HLA-DQA2: variants seen among roughly 807,000 people sequenced by gnomAD.
HLA-DQA2 encodes major histocompatibility complex, class II, DQ alpha 2, also known as HLA class II histocompatibility antigen, DQ alpha 2 chain.
HLA-DQA2 carries 17 observed loss-of-function variants against 21.0 expected under a neutral mutation model. The observed-to-expected ratio is 0.81, with a 90% confidence interval of 0.56 to 1.22. The LOEUF is 1.22. Among genes scored for constraint, HLA-DQA2 ranks in the 50% most tolerant of loss-of-function variants. The probability of loss-of-function intolerance (pLI) is 0.00; values close to 1 mark genes in which losing one functional copy is unlikely to be tolerated. For synonymous variants in HLA-DQA2, 81 were observed against 116.5 expected, an observed-to-expected ratio of 0.70 and a Z score of 1.96; for missense variants, 239 against 308.8, an observed-to-expected ratio of 0.77 and a Z score of 1.69.
intron 3 of HLA-DQA2, 60 bp from the exon 4 acceptor site, chr6:32,746,180 C>T: frequency 1.3e-6 from 2 of 1,599,910 alleles, no homozygotes; most frequent in Non-Finnish European, 8.5e-7. Flanking sequence ...CCCATCCCAT[C>T]CCACACACAT....
At chr6:32,744,847 C>G (rs1763451836) in intron 1 of HLA-DQA2, among the ~76,000 whole-genome samples, 1 of 151,990 alleles carries the variant, frequency 6.6e-6, no homozygotes, top group Admixed American at 6.6e-5. Context: ...CTCATTCATT[C>G]CTTCCTTTGT....
At chr6:32,742,776 G>A (rs1020075056) in intron 1 of HLA-DQA2, among the ~76,000 whole-genome samples, 10 of 151,752 alleles carry the variant, frequency 6.6e-5, no homozygotes, top group Admixed American at 5.3e-4. Flanking sequence ...CAGTGAAGGG[G>A]ACCCTCCAAA....
intron 2 of HLA-DQA2, among the ~76,000 whole-genome samples, 185 bp downstream of exon 2, chr6:32,745,592 T>C (rs1763521043): frequency 7.1e-6 from 1 of 140,860 alleles, no homozygotes; most frequent in African/African-American, 2.7e-5. Flanking sequence ...TAATTCCTAC[T>C]TTATTAAACA....
chr6:32,743,232 G>A (rs1023046488), intron 1 of HLA-DQA2, among the ~76,000 whole-genome samples: 4 of 146,472 alleles, frequency 2.7e-5, no homozygotes, highest in Non-Finnish European at 4.6e-5. Flanking sequence ...GTAATTTTCC[G>A]TATTTTTATG....
At chr6:32,742,960 G>A (rs1763318283) in intron 1 of HLA-DQA2, among the ~76,000 whole-genome samples, 1 of 143,264 alleles carries the variant, frequency 7.0e-6, no homozygotes, top group African/African-American at 2.5e-5. Flanking sequence ...CCGCCTCCCA[G>A]GTTCACGCCA....
Position 32,745,940 on chromosome 6 carries a change from A to G in HLA-DQA2, c.481A>G (p.Thr161Ala), listed in dbSNP as rs1763552479. ...GHSVTEGVSE[T>A]SFLSKSDHSF... ...CTCAGTCACAGAAGGTGTTTCTGAG[A>G]CCAGCTTCCTCTCCAAGAGTGATCA... Residue 161 changes from threonine (T) to alanine (A), a missense_variant, in exon 3 of 5, where the codon ACC becomes GCC. Coordinates refer to ENST00000374940, the MANE Select transcript of HLA-DQA2 (RefSeq NM_020056.5). 1 of 1,613,054 alleles carries G rather than the reference A, an allele frequency of 6.2e-7. No individual in the cohort carries two copies. Among genetic ancestry groups the G allele is most frequent in the African/African-American group, 1.3e-5 (1 of 74,946 alleles).
chr6:32,745,930 T>C lies in HLA-DQA2; in HGVS notation c.471T>C (p.Gly157=). The C allele has an allele frequency of 6.2e-7, 1 of 1,613,162 alleles. No individual in the cohort carries two copies. Among genetic ancestry groups the C allele is most frequent in the South Asian group, 1.1e-5 (1 of 91,090 alleles). Residue 157 remains glycine (G), a synonymous_variant, in exon 3 of 5, where the codon GGT becomes GGC. Transcript: ENST00000374940. ...WLSNGHSVTE[G]VSETSFLSKS... ...GCAATGGGCACTCAGTCACAGAAGG[T>C]GTTTCTGAGACCAGCTTCCTCTCCA...
Position 32,746,284 on chromosome 6 carries a change from G to T in HLA-DQA2, c.658G>T (p.Val220Phe). The change falls in exon 4 of 5, where the codon GTC becomes TTC. Residue 220 changes from valine (V) to phenylalanine (F), a missense_variant. Physicochemically the swap from Val to Phe is conservative, Grantham distance 50 (BLOSUM62 -1). Transcript: ENST00000374940. ...APMSELTETL[V>F]CALGLSVGLM... Reference sequence around the variant, plus strand: ...TATGTCAGAGCTCACAGAGACTTTGGTCTGCGCCCTGGGGTTGTCTGTGGG... The same window carrying T: ...TATGTCAGAGCTCACAGAGACTTTGTTCTGCGCCCTGGGGTTGTCTGTGGG... The T allele has an allele frequency of 3.1e-6, 5 of 1,613,098 alleles. No homozygotes were observed. The highest frequency in any genetic ancestry group is 4.2e-6 in the Non-Finnish European group (5 of 1,180,038).
Position 32,741,466 on chromosome 6 carries a change from T to C in HLA-DQA2, c.23T>C (p.Leu8Pro), listed in dbSNP as rs561341145. The change falls in exon 1 of 5, where the codon CTG becomes CCG. Residue 8 changes from leucine (L) to proline (P), a missense_variant. Transcript: ENST00000374940. Reference sequence around the variant, plus strand: ...AAGATGATCCTAAACAAAGCTCTGCTGCTGGGGGCCCTCGCCCTGACTGCC... The same window carrying C: ...AAGATGATCCTAAACAAAGCTCTGCCGCTGGGGGCCCTCGCCCTGACTGCC... MILNKAL[L>P]LGALALTAVM... The C allele has an allele frequency of 1.1e-5, 17 of 1,614,046 alleles. No homozygotes were observed. The highest frequency in any genetic ancestry group is 2.2e-5 in the East Asian group (1 of 44,882).
At chr6:32,746,482 A>G in intron 4 of HLA-DQA2, 68 bp downstream of exon 4, 4 of 1,578,144 alleles carry the variant, frequency 2.5e-6, no homozygotes, top group Admixed American at 1.7e-5. Flanking sequence ...GGGGTTGTGG[A>G]CATGAATGTG....
At chr6:32,743,639 T>A in intron 1 of HLA-DQA2, among the ~76,000 whole-genome samples, 1 of 146,996 alleles carries the variant, frequency 6.8e-6, no homozygotes, top group Non-Finnish European at 1.5e-5. Flanking sequence ...CCAGGACAAG[T>A]ACCAGATGAA....
At chr6:32,742,225 A>G (rs1380635209) in intron 1 of HLA-DQA2, among the ~76,000 whole-genome samples, 1 of 152,234 alleles carries the variant, frequency 6.6e-6, no homozygotes, top group African/African-American at 2.4e-5. Context: ...TATTACAGGT[A>G]TAACTTCGTA....
intron 1 of HLA-DQA2, among the ~76,000 whole-genome samples, chr6:32,742,133 G>A (rs760714172): frequency 8.6e-5 from 13 of 151,948 alleles, no homozygotes; most frequent in Non-Finnish European, 1.8e-4. Context: ...ATGTCACCTC[G>A]CTTATGATCA....
chr6:32,742,900 C>T (rs1763311595), intron 1 of HLA-DQA2, among the ~76,000 whole-genome samples: 1 of 145,862 alleles, frequency 6.9e-6, no homozygotes, highest in Non-Finnish European at 1.5e-5. Context: ...GAGTCTCGCT[C>T]TGTCGCCCAG....
Position 32,745,354 on chromosome 6 carries a change from AAC to A in HLA-DQA2, c.283_284del (p.Thr95LeufsTer16). On this transcript the variant is annotated frameshift_variant, in exon 2 of 5. Coordinates refer to ENST00000374940, the MANE Select transcript of HLA-DQA2 (RefSeq NM_020056.5). LOFTEE classifies it high-confidence loss of function. ...GCACTGAGAAATATGGCTGTGGGAA[AAC>A]ACACCTTGGAATTCATGATGAGACA... 2 of 1,613,972 alleles carry A rather than the reference AAC, an allele frequency of 1.2e-6. No homozygotes were observed. Among genetic ancestry groups the A allele is most frequent in the Non-Finnish European group, 1.7e-6 (2 of 1,179,978 alleles).
intron 1 of HLA-DQA2, 100 bp from the exon 2 acceptor site, chr6:32,745,058 GA>G (rs1763466797): frequency 7.3e-7 from 1 of 1,377,734 alleles, no homozygotes; most frequent in African/African-American, 1.4e-5. Context: ...TGCCAAAGAT[GA>G]AGCCCATAAT....
rs956345831 is a variant in HLA-DQA2, at chr6:32,745,807, A to T, written c.348A>T (p.Thr116=). 1 of 1,613,004 alleles carries T rather than the reference A, an allele frequency of 6.2e-7. No homozygotes were observed. Among genetic ancestry groups the T allele is most frequent in the Non-Finnish European group, 8.5e-7 (1 of 1,180,040 alleles). Residue 116 remains threonine (T), a synonymous_variant, in exon 3 of 5, where the codon ACA becomes ACT. Transcript: ENST00000374940. ...TCACCACAGAGGTTCCTGAGGTCACAGTGTTTTCCAAGTTTCCTGTGACGC... is the reference window on the plus strand; with the variant it reads ...TCACCACAGAGGTTCCTGAGGTCACTGTGTTTTCCAAGTTTCCTGTGACGC... ...TAATNEVPEV[T]VFSKFPVTLG... is the part of the protein sequence containing the mutation.
Position 32,745,230 on chromosome 6 carries a change from T to C in HLA-DQA2, c.154T>C (p.Phe52Leu), listed in dbSNP as rs1169696516. ...HGPSGQYTHE[F>L]DGDEEFYVDL... ...TCCCTCTGGCCAGTACACCCATGAA[T>C]TTGATGGAGACGAGGAGTTCTATGT... Residue 52 changes from phenylalanine (F) to leucine (L), a missense_variant, in exon 2 of 5, where the codon TTT becomes CTT. Transcript: ENST00000374940. The C allele has an allele frequency of 1.3e-5, 21 of 1,613,976 alleles. No homozygotes were observed. The highest frequency in any genetic ancestry group is 1.7e-5 in the Non-Finnish European group (20 of 1,180,004).
At chr6:32,743,763 A>G (rs1763374592) in intron 1 of HLA-DQA2, among the ~76,000 whole-genome samples, 1 of 152,246 alleles carries the variant, frequency 6.6e-6, no homozygotes, top group Admixed American at 6.5e-5. Flanking sequence ...CAGGGCAGTC[A>G]TGCTGGGTAG....
Sources: allele counts gnomAD v4.1 joint callset (sites outside exome capture counted in the v4.1 genomes callset), GRCh38; gene constraint gnomAD v4.1.1; transcripts MANE v1.5; gene names NCBI Gene and HGNC (gene_info 2026-07-23, HGNC 2026-07-21).